KCNU1: variants seen among roughly 807,000 people sequenced by gnomAD.
KCNU1 encodes the protein potassium channel subfamily U member 1.
KCNU1 carries 93 observed loss-of-function variants against 126.8 expected under a neutral mutation model. The ratio of observed to expected loss-of-function variants is 0.73; its 90% CI spans 0.62 to 0.87. The LOEUF (loss-of-function observed/expected upper bound fraction) is 0.87. Ranked by LOEUF, KCNU1 falls within the 40% of genes least tolerant of loss-of-function variation. The pLI is 0.00. For synonymous variants in KCNU1, 523 were observed against 494.2 expected, an observed-to-expected ratio of 1.06 and a Z score of -0.77; for missense variants, 1,330 against 1,367.1, an observed-to-expected ratio of 0.97 and a Z score of 0.43.
chr8:36,934,947 T>C lies in KCNU1; in HGVS notation c.3045-568T>C, dbSNP rs543680539. Among the ~76,000 whole-genome samples the C allele has an allele frequency of 2.0e-5, 3 of 152,276 alleles. No homozygotes were observed. In the South Asian group the frequency reaches 6.2e-4, roughly 32 times the overall value. ...GTCAGGGTTTCAAATGAAACTGTTT[T>C]TTTCTAATGCTTTTCTCCATTGGCC... On this transcript the variant is annotated intron_variant, in intron 26 of 26. Coordinates refer to ENST00000399881, the MANE Select transcript of KCNU1 (RefSeq NM_001031836.3).
In KCNU1 at chr8:36,910,239, A is replaced by C. The variant is rs1807813508; in HGVS notation, c.2332-691A>C. On this transcript the variant is annotated intron_variant, in intron 21 of 26. Coordinates refer to ENST00000399881, the MANE Select transcript of KCNU1 (RefSeq NM_001031836.3). ...TGGCAAAAACCGTGGTTACTTTTGC[A>C]CCAACCTAATGTAAGGAATATTTTT... Among the ~76,000 whole-genome samples the C allele has an allele frequency of 2.0e-5, 3 of 152,228 alleles. No homozygotes were observed. The South Asian group carries it at 6.2e-4, about 31-fold the overall frequency.
chr8:36,822,009 C>T (rs1425034327), intron 10 of KCNU1, among the ~76,000 whole-genome samples: 1 of 152,050 alleles, frequency 6.6e-6, no homozygotes, highest in African/African-American at 2.4e-5. Flanking sequence ...GATGTAGCCC[C>T]ATCATAAGTT....
intron 19 of KCNU1, among the ~76,000 whole-genome samples, chr8:36,904,789 G>A (rs569944339): frequency 1.4e-4 from 21 of 152,112 alleles, no homozygotes; most frequent in South Asian, 2.1e-4. Context: ...TAAGATGGTA[G>A]AGCCTCTGTC....
chr8:36,801,267 T>C (rs1294176733), intron 2 of KCNU1, among the ~76,000 whole-genome samples: 2 of 152,136 alleles, frequency 1.3e-5, no homozygotes, highest in African/African-American at 4.8e-5. Flanking sequence ...TGAATTTGGA[T>C]GGTCTGCTTG....
intron 18 of KCNU1, among the ~76,000 whole-genome samples, chr8:36,846,217 CT>C (rs1585451358): frequency 2.0e-5 from 3 of 152,330 alleles, no homozygotes; most frequent in Admixed American, 1.3e-4. Flanking sequence ...CAGCCCATTG[CT>C]TTTTCATGAT....
chr8:36,886,534 G>A (rs1806710789), intron 19 of KCNU1, among the ~76,000 whole-genome samples: 1 of 152,186 alleles, frequency 6.6e-6, no homozygotes, highest in Admixed American at 6.5e-5. Context: ...AGGGGTTGAG[G>A]TAGGAGATTT....
At chr8:36,803,449 C>T (rs1803383690) in intron 2 of KCNU1, among the ~76,000 whole-genome samples, 1 of 152,016 alleles carries the variant, frequency 6.6e-6, no homozygotes, top group South Asian at 2.1e-4. Flanking sequence ...CAATTGCATT[C>T]CCCGAGATAC....
chr8:36,933,551 G>C (rs1353991277), intron 26 of KCNU1, among the ~76,000 whole-genome samples: 1 of 152,124 alleles, frequency 6.6e-6, no homozygotes, highest in Non-Finnish European at 1.5e-5. Context: ...GCATGTGGAG[G>C]GGAAAGGGAA....
intron 19 of KCNU1, 106 bp from the exon 20 acceptor site, chr8:36,905,602 G>A: frequency 1.4e-6 from 1 of 734,830 alleles, no homozygotes; most frequent in Non-Finnish European, 2.5e-6. Flanking sequence ...TTCTACTTAT[G>A]CTATTCTCCT....
intron 10 of KCNU1, among the ~76,000 whole-genome samples, chr8:36,822,536 A>C (rs1473474810): frequency 1.3e-5 from 2 of 152,170 alleles, no homozygotes; most frequent in Non-Finnish European, 2.9e-5. Flanking sequence ...AAAATACATA[A>C]ATGATACAGT....
chr8:36,818,209 G>T (rs1803991957), intron 10 of KCNU1, among the ~76,000 whole-genome samples: 1 of 152,080 alleles, frequency 6.6e-6, no homozygotes, highest in Non-Finnish European at 1.5e-5. Context: ...TCAAGCACTA[G>T]GAAATACATA....
At chr8:36,909,265 C>A in intron 20 of KCNU1, 46 bp from the exon 21 acceptor site, 1 of 1,229,376 alleles carries the variant, frequency 8.1e-7, no homozygotes, top group Non-Finnish European at 1.2e-6. Context: ...GAGGGATTCT[C>A]ATCTTGCTTA....
At chr8:36,851,766 G>A (rs2117291847) in intron 18 of KCNU1, among the ~76,000 whole-genome samples, 1 of 152,148 alleles carries the variant, frequency 6.6e-6, no homozygotes, top group Non-Finnish European at 1.5e-5. Flanking sequence ...TGGTTCATTT[G>A]TAGTATATAC....
At chr8:36,841,051 T>G in intron 16 of KCNU1, 48 bp downstream of exon 16, 2 of 1,267,096 alleles carry the variant, frequency 1.6e-6, no homozygotes, top group Non-Finnish European at 2.2e-6. Context: ...TTTTTTTTTT[T>G]TTTTTCCTGG....
At chr8:36,910,344 C>T (rs1424068361) in intron 21 of KCNU1, among the ~76,000 whole-genome samples, 4 of 152,120 alleles carry the variant, frequency 2.6e-5, no homozygotes, top group Admixed American at 6.5e-5. Context: ...CCTGTACTAC[C>T]GCTCCTGCTT....
At chr8:36,832,337 A>G (rs918536553) in intron 10 of KCNU1, among the ~76,000 whole-genome samples, 4 of 152,206 alleles carry the variant, frequency 2.6e-5, no homozygotes, top group African/African-American at 7.2e-5. Context: ...TTGAATCTGT[A>G]AATTACCTTG....
At chr8:36,920,351 G>A (rs774305427) in intron 23 of KCNU1, among the ~76,000 whole-genome samples, 12 of 152,144 alleles carry the variant, frequency 7.9e-5, no homozygotes, top group Admixed American at 3.3e-4. Flanking sequence ...ATGTGGAAAT[G>A]GAGGGCCAAC....
chr8:36,830,123 A>T (rs1229150587), intron 10 of KCNU1, among the ~76,000 whole-genome samples: 1 of 149,802 alleles, frequency 6.7e-6, no homozygotes, highest in Admixed American at 6.7e-5. Context: ...ATTAATCCAG[A>T]TTTGTAAATC....
intron 19 of KCNU1, among the ~76,000 whole-genome samples, chr8:36,877,663 A>G (rs1180188269): frequency 6.6e-6 from 1 of 152,058 alleles, no homozygotes; most frequent in Non-Finnish European, 1.5e-5. Flanking sequence ...TCCTAGACAA[A>G]CACTGAAATA....
Sources: allele counts gnomAD v4.1 joint callset (sites outside exome capture counted in the v4.1 genomes callset), GRCh38; gene constraint gnomAD v4.1.1; transcripts MANE v1.5; gene names NCBI Gene and HGNC (gene_info 2026-07-23, HGNC 2026-07-21).